ADAMTS3: variants seen among roughly 807,000 people sequenced by gnomAD.
ADAMTS3 encodes the protein A disintegrin and metalloproteinase with thrombospondin motifs 3.
In ADAMTS3, 73 loss-of-function variants were observed where a neutral mutation model predicts 129.0. The observed-to-expected ratio is 0.57, with a 90% CI of 0.47 to 0.69. The LOEUF (loss-of-function observed/expected upper bound fraction) is 0.69, where lower values mean the gene tolerates loss of function less well. Ranked by LOEUF, ADAMTS3 falls within the 30% of genes least tolerant of loss-of-function variation. ADAMTS3 has a pLI of 0.00. For missense variants in ADAMTS3, 1,457 were observed against 1,514.5 expected, an observed-to-expected ratio of 0.96 and a Z score of 0.63; for synonymous variants, 477 against 510.8, an observed-to-expected ratio of 0.93 and a Z score of 0.89.
chr4:72,552,112 C>A (rs1044868184), intron 2 of ADAMTS3, among the ~76,000 whole-genome samples: 2 of 152,164 alleles, frequency 1.3e-5, no homozygotes, highest in Admixed American at 1.3e-4. Context: ...TAATTTACTG[C>A]ATTCATAATT....
Position 72,319,866 on chromosome 4 carries a change from C to T in ADAMTS3, c.1200G>A (p.Thr400=), listed in dbSNP as rs546543594. The T allele has an allele frequency of 1.5e-5, 25 of 1,612,964 alleles. No individual in the cohort carries two copies. The highest frequency in any genetic ancestry group is 8.8e-5 in the South Asian group (8 of 91,046). ...TGTCAGCAGTGACTTACACATGGCC[C>T]GTTTCATGGGCTACTACAAAAGCAG... ...FSSAFVVAHE[T]GHVLGMEHDG... Residue 400 remains threonine (T), a synonymous_variant, in exon 8 of 22, where the codon ACG becomes ACA. Transcript: ENST00000286657.
intron 3 of ADAMTS3, among the ~76,000 whole-genome samples, chr4:72,508,584 T>A (rs368555205): frequency 3.3e-5 from 5 of 152,280 alleles, no homozygotes; most frequent in South Asian, 4.1e-4. Context: ...ACAAATATCA[T>A]CTGGCTGATT....
rs368809685 is a variant in ADAMTS3, at chr4:72,291,700, G to A, written c.2724-638C>T. Reference sequence around the variant, plus strand: ...AGTCTTTGCTATTGTGAATAGTGCCGCAATAAACATACGTGTGCATGTGTC... The same window carrying A: ...AGTCTTTGCTATTGTGAATAGTGCCACAATAAACATACGTGTGCATGTGTC... On this transcript the variant is annotated intron_variant, in intron 19 of 21. Coordinates refer to ENST00000286657, the MANE Select transcript of ADAMTS3 (RefSeq NM_014243.3). Among the ~76,000 whole-genome samples, 1,314 of 151,586 alleles carry A rather than the reference G, an allele frequency of 8.7e-3. 15 individuals are homozygous for A. Among genetic ancestry groups the A allele is most frequent in the African/African-American group, 0.028 (1,165 of 41,280 alleles).
intron 15 of ADAMTS3, among the ~76,000 whole-genome samples, chr4:72,306,581 G>A (rs924962555): frequency 3.3e-5 from 5 of 151,924 alleles, no homozygotes; most frequent in Admixed American, 2.6e-4. Context: ...TTCTAAAGGA[G>A]TTACAACAGA....
chr4:72,404,652 A>C (rs191417329), intron 4 of ADAMTS3, among the ~76,000 whole-genome samples: 1 of 152,142 alleles, frequency 6.6e-6, no homozygotes, highest in Non-Finnish European at 1.5e-5. Flanking sequence ...ATAGACAAAT[A>C]GGACTACATC....
Position 72,295,680 on chromosome 4 carries a change from G to A in ADAMTS3, c.2697C>T (p.Cys899=), listed in dbSNP as rs778035258. The change falls in exon 19 of 22, where the codon TGC becomes TGT. Residue 899 remains cysteine, a synonymous_variant. Transcript: ENST00000286657. ...GTGGATGTGTACACTCTTGAATATT[G>A]CACATTCGTCTAATAGGTTTCGGCT... is the stretch of plus-strand genomic sequence containing the variant. ...NKKPKPIRRM[C]NIQECTHPLW... 22 of 1,612,678 alleles carry A rather than the reference G, an allele frequency of 1.4e-5. No individual in the cohort carries two copies. Among genetic ancestry groups the A allele is most frequent in the Admixed American group, 5.0e-5 (3 of 59,924 alleles).
intron 3 of ADAMTS3, among the ~76,000 whole-genome samples, chr4:72,480,487 T>C (rs150110583): frequency 0.022 from 3,370 of 151,816 alleles, 53 homozygotes; most frequent in Middle Eastern, 0.041. Context: ...TAGATGGGAA[T>C]TGAACAATGA....
At chr4:72,334,666 C>CAGTATTTAT (rs1438010069) in intron 5 of ADAMTS3, among the ~76,000 whole-genome samples, 1 of 152,080 alleles carries the variant, frequency 6.6e-6, no homozygotes, top group African/African-American at 2.4e-5. Flanking sequence ...GACGATGGGT[C>CAGTATTTAT]AGTATTTATA....
rs147297361 is a variant in ADAMTS3 at position 72,506,079 on chromosome 4, C to T, written c.504+42399G>A. Among the ~76,000 whole-genome samples the T allele has an allele frequency of 2.6e-3, 402 of 152,292 alleles. 2 individuals are homozygous for T. Among genetic ancestry groups the T allele is most frequent in the African/African-American group, 9.2e-3 (383 of 41,562 alleles). The stretch of plus-strand genomic sequence containing the variant: ...ACCCAGATCTCTGCACAGAAAGATG[C>T]GGTGACTCAGGCTGTTAGTCTATGC... On this transcript the variant is annotated intron_variant, in intron 3 of 21. Transcript: ENST00000286657.
At chr4:72,470,365 A>ATATATATATATATG (rs1432139588) in intron 3 of ADAMTS3, among the ~76,000 whole-genome samples, 1 of 142,572 alleles carries the variant, frequency 7.0e-6, no homozygotes, top group Non-Finnish European at 1.5e-5. Context: ...TTAAGTTTAT[A>ATATATATATATATG]TATATATATA....
intron 4 of ADAMTS3, among the ~76,000 whole-genome samples, chr4:72,390,659 G>C (rs1312052832): frequency 6.6e-6 from 1 of 152,126 alleles, no homozygotes; most frequent in Non-Finnish European, 1.5e-5. Flanking sequence ...AGGAGCAAAA[G>C]GGTATGTTTC....
intron 5 of ADAMTS3, among the ~76,000 whole-genome samples, chr4:72,330,209 G>C (rs1420059953): frequency 6.6e-6 from 1 of 151,942 alleles, no homozygotes; most frequent in African/African-American, 2.4e-5. Context: ...GGTAGTCATG[G>C]GGTTTCACCA....
chr4:72,503,263 C>T (rs923003675), intron 3 of ADAMTS3, among the ~76,000 whole-genome samples: 12 of 152,048 alleles, frequency 7.9e-5, no homozygotes, highest in Non-Finnish European at 4.4e-5. Flanking sequence ...CCTTGTGATC[C>T]ACCCACCTCA....
intron 2 of ADAMTS3, among the ~76,000 whole-genome samples, chr4:72,554,395 T>C (rs970861939): frequency 2.0e-5 from 3 of 152,168 alleles, no homozygotes; most frequent in Non-Finnish European, 4.4e-5. Flanking sequence ...AAACCCTCAA[T>C]AAATATAGGT....
At chr4:72,513,237 T>C (rs937979421) in intron 3 of ADAMTS3, among the ~76,000 whole-genome samples, 1 of 152,194 alleles carries the variant, frequency 6.6e-6, no homozygotes, top group Non-Finnish European at 1.5e-5. Context: ...TTTCCCATAT[T>C]TCTTGGTCAT....
At chr4:72,536,857 C>T (rs935698805) in intron 3 of ADAMTS3, among the ~76,000 whole-genome samples, 5 of 152,108 alleles carry the variant, frequency 3.3e-5, no homozygotes, top group African/African-American at 9.7e-5. Context: ...GGCCACTATT[C>T]GTTTTCATTC....
chr4:72,339,393 G>T, intron 5 of ADAMTS3, 101 bp downstream of exon 5: 1 of 1,042,940 alleles, frequency 9.6e-7, no homozygotes, highest in Admixed American at 2.0e-5. Context: ...ACATATTTTG[G>T]CACAGTCATG....
intron 4 of ADAMTS3, among the ~76,000 whole-genome samples, chr4:72,372,688 TA>T (rs1395528330): frequency 7.2e-5 from 11 of 152,070 alleles, no homozygotes; most frequent in Non-Finnish European, 1.6e-4. Context: ...TAGAATTTTT[TA>T]AAAAAATATA....
Position 72,323,064 on chromosome 4 carries a change from C to T in ADAMTS3, c.895G>A (p.Val299Met), listed in dbSNP as rs1369550770. Reference sequence around the variant, plus strand: ...CGCACCAGGACCACATTTATATGCACTCCGAGGGACTCATCATGGTAAATT... The same window carrying T: ...CGCACCAGGACCACATTTATATGCATTCCGAGGGACTCATCATGGTAAATT... ...NEIYHDESLGVHINVVLVRMI... is the reference protein window; with the variant it reads ...NEIYHDESLGMHINVVLVRMI... The change falls in exon 6 of 22, where the codon GTG (valine) becomes ATG (methionine). Residue 299 changes from valine (V) to methionine (M), a missense_variant. Physicochemically the swap from Val to Met is conservative, Grantham distance 21 (BLOSUM62 1). Transcript: ENST00000286657. 6 of 1,613,404 alleles carry T rather than the reference C, an allele frequency of 3.7e-6. No homozygotes were observed. Among genetic ancestry groups the T allele is most frequent in the Non-Finnish European group, 4.2e-6 (5 of 1,179,676 alleles).
Sources: allele counts gnomAD v4.1 joint callset (sites outside exome capture counted in the v4.1 genomes callset), GRCh38; gene constraint gnomAD v4.1.1; transcripts MANE v1.5; gene names NCBI Gene and HGNC (gene_info 2026-07-23, HGNC 2026-07-21).